BRD7: variants seen among roughly 807,000 people sequenced by gnomAD.
BRD7 encodes the protein bromodomain containing 7.
A neutral mutation model predicts 82.1 loss-of-function variants in BRD7; 15 were observed. The observed-to-expected ratio is 0.18, with a 90% CI of 0.12 to 0.28. The LOEUF (loss-of-function observed/expected upper bound fraction) is 0.28, where lower values mean the gene tolerates loss of function less well. Ranked by LOEUF, BRD7 falls within the 10% of genes least tolerant of loss-of-function variation. The pLI, the probability that BRD7 is intolerant of heterozygous loss-of-function variation, is 1.00. For synonymous variants in BRD7, 232 were observed against 266.9 expected (o/e 0.87, Z 1.27); for missense variants, 638 against 779.9 (o/e 0.82, Z 2.17).
chr16:50,325,826 A>G lies in BRD7; in HGVS notation c.1253T>C (p.Phe418Ser). ...SSYAPHYDST[F>S]ANISKDDSDL... ...AGAATCATCCTTGCTGATATTTGCAAATGTGGAGTCATAATGCGGTGCATA... is the reference window on the plus strand; with the variant it reads ...AGAATCATCCTTGCTGATATTTGCAGATGTGGAGTCATAATGCGGTGCATA... Residue 418 changes from phenylalanine to serine, a missense_variant, in exon 11 of 17, where the codon TTT becomes TCT. Physicochemically the swap from Phe to Ser is radical, Grantham distance 155 (BLOSUM62 -2). This residue lies in a region of BRD7 where 402 missense variants were observed against 500.8 expected (regional missense o/e 0.80). Coordinates refer to ENST00000394688, the MANE Select transcript of BRD7 (RefSeq NM_013263.5). The G allele has an allele frequency of 6.2e-7, 1 of 1,612,708 alleles. No individual in the cohort carries two copies. The highest frequency in any genetic ancestry group is 8.5e-7 in the Non-Finnish European group (1 of 1,179,586).
intron 4 of BRD7, among the ~76,000 whole-genome samples, chr16:50,351,801 T>C (rs1158488841): frequency 6.6e-6 from 1 of 152,174 alleles, no homozygotes; most frequent in African/African-American, 2.4e-5. Flanking sequence ...TATACTAACA[T>C]ACATATATAC....
Position 50,354,455 on chromosome 16 carries a change from GCTT to G in BRD7, c.413_415del (p.Glu138del). 6.2e-7 allele frequency: 1 copy of G among 1,612,086 alleles called. No individual in the cohort carries two copies. Among genetic ancestry groups the G allele is most frequent in the Non-Finnish European group, 8.5e-7 (1 of 1,179,212 alleles). The stretch of plus-strand genomic sequence containing the variant: ...CAATTGTCTCATCAGTTGATTCAAA[GCTT>G]CTTGAAGGGGTGTCTGTTCTACTTC... On this transcript the variant is annotated inframe_deletion, in exon 4 of 17. Transcript: ENST00000394688.
chr16:50,339,310 T>C (rs1457261706), intron 6 of BRD7, among the ~76,000 whole-genome samples: 1 of 152,230 alleles, frequency 6.6e-6, no homozygotes, highest in Non-Finnish European at 1.5e-5. Context: ...GCAATTTTGT[T>C]GTGTGACCAT....
chr16:50,335,919 C>G (rs1389832728), intron 6 of BRD7, among the ~76,000 whole-genome samples: 1 of 152,080 alleles, frequency 6.6e-6, no homozygotes, highest in Non-Finnish European at 1.5e-5. Context: ...ACCATTAAAG[C>G]GATCTATTTT....
In BRD7 at chr16:50,368,356, G is replaced by T. The variant is rs1357859189; in HGVS notation, c.50-58C>A. 4 of 1,560,344 alleles carry T rather than the reference G, an allele frequency of 2.6e-6. No homozygotes were observed. In the African/African-American group the frequency reaches 4.1e-5, roughly 16 times the overall value. ...CGTCGATTAAAATCGGGGCTCTCCAGGGAGTGCTAAGGATGCAGAGCGCCA... is the reference window on the plus strand; with the variant it reads ...CGTCGATTAAAATCGGGGCTCTCCATGGAGTGCTAAGGATGCAGAGCGCCA... On this transcript the variant is annotated intron_variant, in intron 1 of 16. Coordinates refer to ENST00000394688, the MANE Select transcript of BRD7 (RefSeq NM_013263.5).
intron 8 of BRD7, among the ~76,000 whole-genome samples, chr16:50,331,615 T>A (rs546270661): frequency 6.6e-6 from 1 of 152,204 alleles, no homozygotes; most frequent in African/African-American, 2.4e-5. Flanking sequence ...GGCAGGAGAA[T>A]TGCTTGAGCT....
intron 8 of BRD7, among the ~76,000 whole-genome samples, chr16:50,329,927 C>A (rs548832206): frequency 6.6e-6 from 1 of 152,308 alleles, no homozygotes; most frequent in East Asian, 1.9e-4. Flanking sequence ...TGTAAAATGT[C>A]TCAGTCAACT....
chr16:50,317,796 G>C lies in BRD7; in HGVS notation c.*1415C>G, dbSNP rs1387988605. The C allele has an allele frequency of 6.6e-6, 1 of 152,302 alleles. No homozygotes were observed. The highest frequency in any genetic ancestry group is 2.4e-5 in the African/African-American group (1 of 41,430). The allele number at this position is 152,302 out of a possible 1,614,324, so 9.4% of individuals were successfully genotyped here. ...CGTATCTAACAAACAAACAAACAGT[G>C]ACCTTCTCCATGGGTCAAGGACTTC... On this transcript the variant is annotated 3_prime_UTR_variant, in exon 17 of 17. Transcript: ENST00000394688.
intron 2 of BRD7, among the ~76,000 whole-genome samples, chr16:50,357,979 C>G (rs2038802286): frequency 6.6e-6 from 1 of 151,990 alleles, no homozygotes; most frequent in South Asian, 2.1e-4. Flanking sequence ...GACTCTGTCT[C>G]AAAAACAAAA....
chr16:50,368,439 G>T, intron 1 of BRD7, 141 bp from the exon 2 acceptor site: 2 of 967,898 alleles, frequency 2.1e-6, no homozygotes. Context: ...TTGAATGACG[G>T]ACCCCGGCCC....
In BRD7 at chr16:50,335,029, C is replaced by A. The variant is rs2037740966; in HGVS notation, c.703-134G>T. The A allele has an allele frequency of 6.9e-6, 6 of 866,802 alleles. No individual in the cohort carries two copies. The Middle Eastern group carries it at 1.1e-3, about 161-fold the overall frequency. 53.7% of individuals were successfully genotyped at this position (866,802 alleles called of 1,614,324 possible). A position where few individuals can be genotyped will look rare whatever the true frequency, so the allele number is the denominator to read the frequency against. On this transcript the variant is annotated intron_variant, in intron 6 of 16. Coordinates refer to ENST00000394688, the MANE Select transcript of BRD7 (RefSeq NM_013263.5). ...AAAAACAATTAAATGTAATCATATA[C>A]CAAGAGAGTATTGTATTTGGAAACC...
At chr16:50,340,711 C>A (rs1201283540) in intron 5 of BRD7, among the ~76,000 whole-genome samples, 1 of 152,146 alleles carries the variant, frequency 6.6e-6, no homozygotes, top group East Asian at 1.9e-4. Context: ...AACCATACAA[C>A]CTCAAGGAGT....
At chr16:50,327,653 A>C (rs922902787) in intron 9 of BRD7, among the ~76,000 whole-genome samples, 2 of 152,154 alleles carry the variant, frequency 1.3e-5, no homozygotes, top group Non-Finnish European at 2.9e-5. Context: ...TACTCAACCT[A>C]AACATCATCT....
At position 50,320,753 on chromosome 16, in the gene BRD7, C is replaced by G. The variant is rs980945831; in HGVS notation, c.1522G>C (p.Gly508Arg). 2 of 1,614,028 alleles carry G rather than the reference C, an allele frequency of 1.2e-6. No individual in the cohort carries two copies. Among genetic ancestry groups the G allele is most frequent in the African/African-American group, 2.7e-5 (2 of 75,036 alleles). The change falls in exon 14 of 17, where the codon GGG (glycine) becomes CGG (arginine). Residue 508 changes from glycine (G) to arginine (R), a missense_variant. By Grantham distance (125) the Gly-to-Arg change is moderately radical. Transcript: ENST00000394688. The part of the protein sequence containing the change: ...EMEITEVEPP[G>R]RLDSSTQDRL... ...TCTTGAGTACTGGAGTCCAAACGCC[C>G]TGGTGGCTCTACTTCTGTAATCTGC...
intron 2 of BRD7, among the ~76,000 whole-genome samples, chr16:50,366,708 TAA>T (rs2039160379): frequency 6.6e-6 from 1 of 152,156 alleles, no homozygotes; most frequent in Non-Finnish European, 1.5e-5. Context: ...GAAAAATACC[TAA>T]AAAGTGTCCA....
chr16:50,333,397 G>C (rs2037654592), intron 8 of BRD7, among the ~76,000 whole-genome samples, 177 bp downstream of exon 8: 1 of 152,176 alleles, frequency 6.6e-6, no homozygotes. Flanking sequence ...TTAACACCCT[G>C]ATAAACCCAT....
chr16:50,360,187 C>A (rs1420524580), intron 2 of BRD7, among the ~76,000 whole-genome samples: 2 of 152,178 alleles, frequency 1.3e-5, no homozygotes, highest in Non-Finnish European at 2.9e-5. Context: ...TCCATACCTG[C>A]AAGCTCAGCA....
chr16:50,355,617 G>A (rs1360702046), intron 2 of BRD7, among the ~76,000 whole-genome samples: 1 of 152,202 alleles, frequency 6.6e-6, no homozygotes, highest in Non-Finnish European at 1.5e-5. Flanking sequence ...AAAGGGTGGT[G>A]CTGAGACAAC....
chr16:50,355,559 T>C lies in BRD7; in HGVS notation c.259-637A>G, dbSNP rs79483509. ...GAGCCCAGAAACAGACCCATGTACA[T>C]AGAATAATCTTAGTATATCACAGAG... On this transcript the variant is annotated intron_variant, in intron 2 of 16. Transcript: ENST00000394688. 0.02 allele frequency among the ~76,000 whole-genome samples: 2,984 copies of C among 152,252 alleles called. 247 individuals carry two copies. The East Asian group carries it at 0.25, about 13-fold the overall frequency.
Sources: gnomAD v4.1 joint callset for allele counts (sites outside exome capture counted in the v4.1 genomes callset) on GRCh38, gnomAD v4.1.1 for gene constraint, gnomAD v4.1.1 regional missense constraint, MANE v1.5 for transcripts, NCBI Gene and HGNC (gene_info 2026-07-23, HGNC 2026-07-21) for gene names.